Variants in THADA observed in about 807,000 individuals in gnomAD.
The protein encoded by THADA is THADA armadillo repeat containing.
Under a neutral mutation model 219.8 loss-of-function variants are expected in THADA, and 213 were observed. That is an observed-to-expected ratio of 0.97 (90% confidence interval 0.87 to 1.09). The LOEUF (loss-of-function observed/expected upper bound fraction) is 1.09. THADA is among the 50% of genes least tolerant of loss of function. The probability of loss-of-function intolerance (pLI) is 0.00; values close to 1 mark genes in which losing one functional copy is unlikely to be tolerated. For synonymous variants in THADA, 1,018 were observed against 828.9 expected (o/e 1.23, Z -3.92); for missense variants, 2,956 against 2,311.3 (o/e 1.28, Z -5.72).
chr2:43,481,945 A>G (rs1022299080), intron 26 of THADA, among the ~76,000 whole-genome samples: 22 of 152,198 alleles, frequency 1.4e-4, no homozygotes, highest in Non-Finnish European at 5.9e-5. Context: ...TAATACACAC[A>G]GGGGCTAAAA....
chr2:43,319,070 G>A (rs1008389110), intron 31 of THADA, among the ~76,000 whole-genome samples: 13 of 152,116 alleles, frequency 8.5e-5, no homozygotes, highest in African/African-American at 2.9e-4. Flanking sequence ...ACATAGGCAG[G>A]GAAGTATTAC....
At chr2:43,377,632 C>T (rs150704438) in intron 29 of THADA, among the ~76,000 whole-genome samples, 6 of 152,214 alleles carry the variant, frequency 3.9e-5, no homozygotes, top group African/African-American at 9.6e-5. Context: ...AGTTACCTTG[C>T]GGCCAGAGGT....
At position 43,302,307 on chromosome 2, in the gene THADA, T is replaced by C. The variant is rs532057319; in HGVS notation, c.4439-9094A>G. On this transcript the variant is annotated intron_variant, in intron 31 of 37. Coordinates refer to ENST00000405975, the MANE Select transcript of THADA (RefSeq NM_022065.5). ...CGTACTTTTCCTAAGTTAGAGTGAT[T>C]TTTTTCTAACTCTTCCTGGCTGGAG... is the stretch of plus-strand genomic sequence containing the variant. Among the ~76,000 whole-genome samples the C allele has an allele frequency of 3.3e-5, 5 of 152,264 alleles. No homozygotes were observed. In the South Asian group the frequency reaches 1.0e-3, roughly 32 times the overall value.
intron 28 of THADA, among the ~76,000 whole-genome samples, chr2:43,409,586 C>T (rs1451993520): frequency 6.6e-6 from 1 of 151,646 alleles, no homozygotes; most frequent in Admixed American, 6.6e-5. Context: ...TTTATACTGC[C>T]AGTCAAAAAA....
At chr2:43,506,854 C>T (rs1468447755) in intron 23 of THADA, among the ~76,000 whole-genome samples, 1 of 152,102 alleles carries the variant, frequency 6.6e-6, no homozygotes, top group African/African-American at 2.4e-5. Context: ...TAGTTAGCTT[C>T]TTCTGAAGCA....
intron 26 of THADA, among the ~76,000 whole-genome samples, chr2:43,483,124 C>A (rs1378198137): frequency 6.6e-6 from 1 of 152,134 alleles, no homozygotes; most frequent in Non-Finnish European, 1.5e-5. Flanking sequence ...GCGAGCAGGA[C>A]AATCTGTGGT....
At chr2:43,343,863 T>C in intron 30 of THADA, 1 of 359,790 alleles carries the variant, frequency 2.8e-6, no homozygotes, top group Middle Eastern at 9.1e-4. Context: ...GCAGCAGGTT[T>C]CAACAAAAAC....
chr2:43,373,378 A>G (rs768865971), intron 29 of THADA, among the ~76,000 whole-genome samples: 12 of 152,212 alleles, frequency 7.9e-5, no homozygotes, highest in Non-Finnish European at 1.5e-4. Flanking sequence ...TATTATTGGC[A>G]TCCAATAATT....
At chr2:43,578,739 C>CTTA in intron 8 of THADA, 132 bp from the exon 9 acceptor site, 1 of 481,902 alleles carries the variant, frequency 2.1e-6, no homozygotes. Flanking sequence ...GTGAATAGGT[C>CTTA]TTACCTAAGT....
At chr2:43,442,081 T>C (rs1041719727) in intron 26 of THADA, among the ~76,000 whole-genome samples, 2 of 152,138 alleles carry the variant, frequency 1.3e-5, no homozygotes, top group Non-Finnish European at 1.5e-5. Flanking sequence ...CAATAAGAGT[T>C]TGGAGTTGGA....
At position 43,301,479 on chromosome 2, in the gene THADA, G is replaced by A. The variant is rs1039155945; in HGVS notation, c.4439-8266C>T. On this transcript the variant is annotated intron_variant, in intron 31 of 37. Transcript: ENST00000405975. ...GAATTAGACCTGGCTTTGCTCTCAT[G>A]GAGCTCCAACTGGGTGGGGACCACA... Among the ~76,000 whole-genome samples the A allele has an allele frequency of 3.3e-5, 5 of 152,172 alleles. No individual in the cohort carries two copies. In the East Asian group the frequency reaches 7.7e-4, roughly 23 times the overall value.
chr2:43,398,644 G>A (rs1674397580), intron 28 of THADA, among the ~76,000 whole-genome samples: 1 of 152,166 alleles, frequency 6.6e-6, no homozygotes. Context: ...ATGGAACTCA[G>A]GAAAGCAAGC....
intron 29 of THADA, among the ~76,000 whole-genome samples, chr2:43,397,627 G>A (rs1464128820): frequency 1.3e-5 from 2 of 151,766 alleles, no homozygotes; most frequent in African/African-American, 2.4e-5. Flanking sequence ...AGTTTCACTC[G>A]GAATAGGTAG....
rs572173205 is a variant in THADA, at chr2:43,317,693, C to G, written c.4438+2753G>C. Reference sequence around the variant, plus strand: ...GGTTATTTCTAAAAATCTATTCCATCCTCAAAGAAAGAAAATATGCTCCTA... The same window carrying G: ...GGTTATTTCTAAAAATCTATTCCATGCTCAAAGAAAGAAAATATGCTCCTA... On this transcript the variant is annotated intron_variant, in intron 31 of 37. Transcript: ENST00000405975. 1.6e-4 allele frequency among the ~76,000 whole-genome samples: 25 copies of G among 152,302 alleles called. No individual in the cohort carries two copies. In the South Asian group the frequency reaches 5.2e-3, roughly 32 times the overall value.
At chr2:43,310,474 T>C (rs1014483283) in intron 31 of THADA, among the ~76,000 whole-genome samples, 6 of 152,138 alleles carry the variant, frequency 3.9e-5, no homozygotes, top group Non-Finnish European at 5.9e-5. Flanking sequence ...AAGGGTGCCA[T>C]GACAATTCAA....
chr2:43,260,343 G>A (rs1034181000), intron 36 of THADA, among the ~76,000 whole-genome samples: 4 of 152,108 alleles, frequency 2.6e-5, no homozygotes, highest in Non-Finnish European at 2.9e-5. Flanking sequence ...TTTTTCATGC[G>A]TGTCCTGTTC....
intron 26 of THADA, among the ~76,000 whole-genome samples, chr2:43,449,587 G>C (rs564691493): frequency 2.0e-5 from 3 of 152,100 alleles, no homozygotes; most frequent in Non-Finnish European, 4.4e-5. Flanking sequence ...GGGCAACATG[G>C]TGAGACCCCA....
chr2:43,316,880 T>C (rs1678145612), intron 31 of THADA, among the ~76,000 whole-genome samples: 1 of 152,226 alleles, frequency 6.6e-6, no homozygotes, highest in African/African-American at 2.4e-5. Context: ...TAAGCCGAGA[T>C]TGTGCCATTG....
rs763736391 is a variant in THADA, at chr2:43,552,822, AG to A, written c.2675-484del. Among the ~76,000 whole-genome samples, 435 of 152,184 alleles carry A rather than the reference AG, an allele frequency of 2.9e-3. 2 individuals are homozygous for A. The highest frequency in any genetic ancestry group is 0.014 in the South Asian group (66 of 4,826). On this transcript the variant is annotated intron_variant, in intron 17 of 37. Coordinates refer to ENST00000405975, the MANE Select transcript of THADA (RefSeq NM_022065.5). ...CCTGCCACCAAACGAAAAAAAAAAA[AG>A]AAAACTTACCCGTTAGCAGTCACTG...
Sources: allele counts gnomAD v4.1 joint callset (sites outside exome capture counted in the v4.1 genomes callset), GRCh38; gene constraint gnomAD v4.1.1; transcripts MANE v1.5; gene names NCBI Gene and HGNC (gene_info 2026-07-23, HGNC 2026-07-21).